Variants in PIWIL2 observed in about 807,000 individuals in gnomAD.
PIWIL2 encodes piwi-like protein 2.
In PIWIL2, 81 loss-of-function variants were observed where a neutral mutation model predicts 116.5. The observed-to-expected ratio is 0.70, with a 90% CI of 0.58 to 0.84. The LOEUF (loss-of-function observed/expected upper bound fraction) is 0.84, where lower values mean the gene tolerates loss of function less well. Ranked by LOEUF, PIWIL2 falls within the 40% of genes least tolerant of loss-of-function variation. The probability of loss-of-function intolerance (pLI) is 0.00; values close to 1 mark genes in which losing one functional copy is unlikely to be tolerated. For missense variants in PIWIL2, 1,272 were observed against 1,212.3 expected (o/e 1.05, Z -0.73); for synonymous variants, 489 against 429.5 (o/e 1.14, Z -1.71).
intron 20 of PIWIL2, among the ~76,000 whole-genome samples, chr8:22,331,382 T>C (rs1563411330): frequency 6.6e-6 from 1 of 151,964 alleles, no homozygotes; most frequent in Non-Finnish European, 1.5e-5. Flanking sequence ...TTTTCTATTT[T>C]ATTTTCTTTA....
At chr8:22,305,814 A>C in intron 12 of PIWIL2, 113 bp from the exon 13 acceptor site, 1 of 723,292 alleles carries the variant, frequency 1.4e-6, no homozygotes, top group Non-Finnish European at 2.5e-6. Flanking sequence ...TATACTCCTT[A>C]GTGCGCAAGG....
intron 20 of PIWIL2, among the ~76,000 whole-genome samples, chr8:22,348,504 A>T (rs1310642690): frequency 6.6e-6 from 1 of 152,216 alleles, no homozygotes; most frequent in East Asian, 1.9e-4. Context: ...TTTCGAGAAC[A>T]TTCATTACTT....
intron 10 of PIWIL2, among the ~76,000 whole-genome samples, chr8:22,297,326 A>C (rs992260335): frequency 6.6e-6 from 1 of 152,110 alleles, no homozygotes; most frequent in Admixed American, 6.6e-5. Flanking sequence ...CTGTGTTGCC[A>C]AGGCTGACCT....
intron 1 of PIWIL2, 154 bp downstream of exon 1, chr8:22,275,552 G>C (rs539081431): frequency 6.6e-6 from 1 of 152,432 alleles, no homozygotes; most frequent in African/African-American, 2.4e-5. Flanking sequence ...GGTCGGGCGG[G>C]GGCGGGAAGT....
At chr8:22,294,900 GAAAAAAAAAAAAAAAAA>G (rs57742067) in intron 10 of PIWIL2, among the ~76,000 whole-genome samples, 1 of 93,650 alleles carries the variant, frequency 1.1e-5, no homozygotes, top group African/African-American at 3.9e-5. Context: ...ATCTTTACTG[GAAAAAAAAAAAAAAAAA>G]AAAAAAAAAA....
chr8:22,308,381 G>A (rs1586563420), intron 14 of PIWIL2, among the ~76,000 whole-genome samples: 1 of 152,042 alleles, frequency 6.6e-6, no homozygotes, highest in Non-Finnish European at 1.5e-5. Context: ...GGGCAGGCGT[G>A]GTGGCTCACG....
chr8:22,324,561 A>C (rs1482438869), intron 20 of PIWIL2, among the ~76,000 whole-genome samples: 6 of 152,168 alleles, frequency 3.9e-5, no homozygotes, highest in Non-Finnish European at 8.8e-5. Context: ...TGCCAGATGG[A>C]ATGAAGGTAC....
intron 22 of PIWIL2, 48 bp from the exon 23 acceptor site, chr8:22,355,301 A>T (rs780502425): frequency 6.3e-7 from 1 of 1,599,660 alleles, no homozygotes; most frequent in Admixed American, 1.7e-5. Context: ...CATGCCACAA[A>T]TTGAAGGTGG....
chr8:22,335,959 C>A (rs1831973119), intron 20 of PIWIL2, among the ~76,000 whole-genome samples: 2 of 152,030 alleles, frequency 1.3e-5, no homozygotes, highest in South Asian at 2.1e-4. Context: ...ATAACAATTA[C>A]AATATATGTG....
At chr8:22,335,686 T>G (rs1831965571) in intron 20 of PIWIL2, among the ~76,000 whole-genome samples, 1 of 152,052 alleles carries the variant, frequency 6.6e-6, no homozygotes, top group Non-Finnish European at 1.5e-5. Flanking sequence ...TAGCTGGGAT[T>G]ACAGGTGTAC....
chr8:22,312,879 A>T (rs777190971), intron 16 of PIWIL2, among the ~76,000 whole-genome samples: 2 of 152,112 alleles, frequency 1.3e-5, no homozygotes, highest in Non-Finnish European at 2.9e-5. Flanking sequence ...AGCCTCAATC[A>T]GTCCTCCCAC....
chr8:22,323,959 C>G (rs1462305661), intron 20 of PIWIL2, among the ~76,000 whole-genome samples: 1 of 152,120 alleles, frequency 6.6e-6, no homozygotes. Context: ...TCCCAAGGCA[C>G]CAGTAGAATA....
intron 6 of PIWIL2, among the ~76,000 whole-genome samples, chr8:22,284,716 A>G (rs1186833488): frequency 6.7e-6 from 1 of 149,560 alleles, no homozygotes; most frequent in Non-Finnish European, 1.5e-5. Context: ...TCATACCAAC[A>G]TCTGACATCT....
rs568361194 is a variant in PIWIL2 at position 22,304,309 on chromosome 8, CTT to C, written c.1370+103_1370+104del. On this transcript the variant is annotated intron_variant, in intron 11 of 22. Transcript: ENST00000356766. ...TTCTGCAATAGCATACCACTTGACA[CTT>C]TTCAAAATAATTGAATTGGTAATGT... The C allele has an allele frequency of 4.6e-4, 337 of 725,462 alleles. No individual in the cohort carries two copies. The African/African-American group carries it at 5.4e-3, about 12-fold the overall frequency. 44.9% of individuals were successfully genotyped at this position (725,462 alleles called of 1,614,324 possible).
intron 16 of PIWIL2, among the ~76,000 whole-genome samples, chr8:22,312,985 A>G (rs112386556): frequency 2.1e-3 from 320 of 152,126 alleles, no homozygotes; most frequent in African/African-American, 7.4e-3. Context: ...TGCCTGTCAT[A>G]CTCTACCATG....
intron 20 of PIWIL2, among the ~76,000 whole-genome samples, chr8:22,342,560 G>A (rs1563424597): frequency 6.6e-6 from 1 of 152,210 alleles, no homozygotes; most frequent in Admixed American, 6.5e-5. Flanking sequence ...GCTGGAACAA[G>A]TGGCCACCTG....
Position 22,279,362 on chromosome 8 carries a change from G to T in PIWIL2, c.-25G>T. On this transcript the variant is annotated 5_prime_UTR_variant, in exon 2 of 23. Coordinates refer to ENST00000356766, the MANE Select transcript of PIWIL2 (RefSeq NM_018068.5). ...GCAGGTAATTAACCAGAACAGGATC[G>T]ACACGTGTTCTCTACAGCCCGTCCA... is the stretch of plus-strand genomic sequence containing the variant. 2 of 1,580,942 alleles carry T rather than the reference G, an allele frequency of 1.3e-6. No homozygotes were observed. The highest frequency in any genetic ancestry group is 2.2e-5 in the South Asian group (2 of 90,404).
At chr8:22,307,243 A>G (rs1831204312) in intron 13 of PIWIL2, among the ~76,000 whole-genome samples, 1 of 152,116 alleles carries the variant, frequency 6.6e-6, no homozygotes, top group African/African-American at 2.4e-5. Flanking sequence ...GCTGGTCTCA[A>G]ATTCCTGGGC....
chr8:22,275,390 C>A lies in PIWIL2; in HGVS notation c.-55C>A, dbSNP rs1183886622. On this transcript the variant is annotated 5_prime_UTR_variant, in exon 1 of 23. Transcript: ENST00000356766. ...GAGCTGGGCGACTGGGGCGAGGACT[C>A]GCGCACAGGTGAGTACTGGCCCCGG... 1 of 152,680 alleles carries A rather than the reference C, an allele frequency of 6.5e-6. No homozygotes were observed. The highest frequency in any genetic ancestry group is 6.5e-5 in the Admixed American group (1 of 15,300). The allele number at this position is 152,680 out of a possible 1,614,324, so 9.5% of individuals were successfully genotyped here.
Sources: gnomAD v4.1 joint callset for allele counts (sites outside exome capture counted in the v4.1 genomes callset) on GRCh38, gnomAD v4.1.1 for gene constraint, MANE v1.5 for transcripts, NCBI Gene and HGNC (gene_info 2026-07-23, HGNC 2026-07-21) for gene names.